Variants in PCDHA8 observed in about 807,000 individuals in gnomAD.
The protein encoded by PCDHA8 is protocadherin alpha 8.
A neutral mutation model predicts 61.8 loss-of-function variants in PCDHA8; 53 were observed. That is an observed-to-expected ratio of 0.86 (90% CI 0.69 to 1.08). PCDHA8 has a LOEUF of 1.08. PCDHA8 is among the 50% of genes least tolerant of loss of function. PCDHA8 has a pLI of 0.00. For synonymous variants in PCDHA8, 618 were observed against 556.6 expected, an observed-to-expected ratio of 1.11 and a Z score of -1.55; for missense variants, 1,293 against 1,245.0, an observed-to-expected ratio of 1.04 and a Z score of -0.58.
At chr5:140,989,863 TTCTC>T (rs2097364159) in intron 3 of PCDHA8, among the ~76,000 whole-genome samples, 1 of 151,988 alleles carries the variant, frequency 6.6e-6, no homozygotes, top group Non-Finnish European at 1.5e-5. Flanking sequence ...AGAGGAATCT[TTCTC>T]TGCCTCAGCA....
intron 1 of PCDHA8, chr5:140,864,038 C>T (rs541763378): frequency 1.2e-4 from 19 of 153,004 alleles, no homozygotes; most frequent in African/African-American, 4.6e-4. Context: ...CCATCTTAAT[C>T]ACTTTTTACT....
chr5:140,842,646 C>T lies in PCDHA8; in HGVS notation c.1325C>T (p.Ser442Phe). 6.3e-7 allele frequency: 1 copy of T among 1,595,360 alleles called. No homozygotes were observed. The highest frequency in any genetic ancestry group is 8.6e-7 in the Non-Finnish European group (1 of 1,165,482). ...SPSLWATASL[S>F]VEVADVNDNA... ...TCGCTGTGGGCCACCGCCAGCTTGT[C>T]TGTGGAGGTGGCCGACGTGAACGAC... Residue 442 changes from serine to phenylalanine, a missense_variant, in exon 1 of 4, where the codon TCT becomes TTT. Transcript: ENST00000531613.
chr5:140,901,177 G>T (rs2068485979), intron 1 of PCDHA8, among the ~76,000 whole-genome samples: 1 of 152,034 alleles, frequency 6.6e-6, no homozygotes, highest in African/African-American at 2.4e-5. Flanking sequence ...TCACTTTGTT[G>T]ATTGTTTGCT....
Position 140,842,885 on chromosome 5 carries a change from C to T in PCDHA8, c.1564C>T (p.Pro522Ser). 2 of 1,594,162 alleles carry T rather than the reference C, an allele frequency of 1.3e-6. 1 individual carries two copies. The highest frequency in any genetic ancestry group is 1.7e-6 in the Non-Finnish European group (2 of 1,165,432). Residue 522 changes from proline (P) to serine (S), a missense_variant, in exon 1 of 4, where the codon CCG becomes TCG. Physicochemically the swap from Pro to Ser is moderately conservative, Grantham distance 74. Coordinates refer to ENST00000531613, the MANE Select transcript of PCDHA8 (RefSeq NM_018911.3). Reference sequence around the variant, plus strand: ...GAGCGGCAAGGTGTACGCGCTGCAGCCGCTGGACCACGAGGAGCTAGAGCT... The same window carrying T: ...GAGCGGCAAGGTGTACGCGCTGCAGTCGCTGGACCACGAGGAGCTAGAGCT... ...TESGKVYALQPLDHEELELLQ... is the reference protein window; with the variant it reads ...TESGKVYALQSLDHEELELLQ...
intron 1 of PCDHA8, chr5:140,875,158 AC>A: frequency 3.0e-6 from 1 of 338,826 alleles, no homozygotes; most frequent in East Asian, 5.5e-5. Flanking sequence ...GTGAAAAATA[AC>A]CCAAAGTCGA....
intron 3 of PCDHA8, among the ~76,000 whole-genome samples, chr5:140,991,807 C>T (rs782693963): frequency 4.6e-5 from 7 of 152,278 alleles, no homozygotes; most frequent in Admixed American, 6.5e-5. Context: ...AGGCCACTTC[C>T]GCATTTTTAG....
At chr5:140,998,939 A>C (rs1299425979) in intron 3 of PCDHA8, among the ~76,000 whole-genome samples, 2 of 152,248 alleles carry the variant, frequency 1.3e-5, no homozygotes, top group Admixed American at 1.3e-4. Flanking sequence ...CAGATGAAGA[A>C]ACTGTAAGTC....
intron 1 of PCDHA8, among the ~76,000 whole-genome samples, chr5:140,894,631 A>G (rs1413513485): frequency 6.6e-6 from 1 of 151,582 alleles, no homozygotes; most frequent in Non-Finnish European, 1.5e-5. Flanking sequence ...TTCTCCAATC[A>G]TATCATTACT....
intron 1 of PCDHA8, among the ~76,000 whole-genome samples, chr5:140,845,321 T>A (rs1395146345): frequency 6.7e-6 from 1 of 149,684 alleles, no homozygotes; most frequent in Non-Finnish European, 1.5e-5. Context: ...AGGTATTACT[T>A]TAATTACTGA....
intron 3 of PCDHA8, among the ~76,000 whole-genome samples, chr5:140,993,462 TCA>T (rs3836747): frequency 0.093 from 13,122 of 140,864 alleles, 629 homozygotes; most frequent in African/African-American, 0.12. Flanking sequence ...TCTTTCTTTC[TCA>T]CACACACACA....
intron 1 of PCDHA8, chr5:140,878,055 C>T: frequency 2.2e-6 from 1 of 449,762 alleles, no homozygotes; most frequent in Non-Finnish European, 3.6e-6. Context: ...GAGCACCACA[C>T]TTAATATTTT....
chr5:140,876,313 A>T, intron 1 of PCDHA8: 1 of 1,614,022 alleles, frequency 6.2e-7, no homozygotes, highest in East Asian at 2.2e-5. Flanking sequence ...TTCCTATGGG[A>T]TCAAAATGAT....
At chr5:140,855,479 C>T (rs782343023) in intron 1 of PCDHA8, among the ~76,000 whole-genome samples, 3 of 149,758 alleles carry the variant, frequency 2.0e-5, no homozygotes, top group Non-Finnish European at 3.0e-5. Context: ...TGATGCTTGA[C>T]ATTAGTGTCT....
At chr5:140,869,347 G>C (rs782437200) in intron 1 of PCDHA8, 1 of 1,614,082 alleles carries the variant, frequency 6.2e-7, no homozygotes, top group Non-Finnish European at 8.5e-7. Context: ...TCTGCAGAAT[G>C]GCATTTTGTT....
intron 1 of PCDHA8, chr5:140,876,072 GGA>G: frequency 1.2e-6 from 2 of 1,613,902 alleles, no homozygotes; most frequent in Non-Finnish European, 8.5e-7. Flanking sequence ...GGAAGTTATT[GGA>G]CAGAGAGCAA....
At chr5:140,873,657 C>CTA in intron 1 of PCDHA8, among the ~76,000 whole-genome samples, 1 of 152,206 alleles carries the variant, frequency 6.6e-6, no homozygotes, top group South Asian at 2.1e-4. Context: ...ACATAACACA[C>CTA]TATTATTATT....
At position 140,977,800 on chromosome 5, in the gene PCDHA8, T is replaced by G. The variant is rs572772764; in HGVS notation, c.2395-1149T>G. On this transcript the variant is annotated intron_variant, in intron 1 of 3. Coordinates refer to ENST00000531613, the MANE Select transcript of PCDHA8 (RefSeq NM_018911.3). Reference sequence around the variant, plus strand: ...AAAGGAACTATATGAATGATAGGAATAAGAATTATTGACAGTTTTGAATGG... The same window carrying G: ...AAAGGAACTATATGAATGATAGGAAGAAGAATTATTGACAGTTTTGAATGG... Among the ~76,000 whole-genome samples, 3 of 152,356 alleles carry G rather than the reference T, an allele frequency of 2.0e-5. No individual in the cohort carries two copies. In the East Asian group the frequency reaches 5.8e-4, roughly 29 times the overall value.
Position 140,842,630 on chromosome 5 carries a change from G to A in PCDHA8, c.1309G>A (p.Ala437Thr). 6.3e-7 allele frequency: 1 copy of A among 1,586,074 alleles called. No individual in the cohort carries two copies. Among genetic ancestry groups the A allele is most frequent in the Non-Finnish European group, 8.6e-7 (1 of 1,160,600 alleles). ...GGACGGGGGCTCGCCTTCGCTGTGGGCCACCGCCAGCTTGTCTGTGGAGGT... is the reference window on the plus strand; with the variant it reads ...GGACGGGGGCTCGCCTTCGCTGTGGACCACCGCCAGCTTGTCTGTGGAGGT... The part of the protein sequence containing the change: ...ARDGGSPSLW[A>T]TASLSVEVAD... Residue 437 changes from alanine (A) to threonine (T), a missense_variant, in exon 1 of 4, where the codon GCC becomes ACC. Physicochemically the swap from Ala to Thr is moderately conservative, Grantham distance 58. Transcript: ENST00000531613.
At chr5:140,966,808 A>G (rs782040625) in intron 1 of PCDHA8, 5 of 1,548,024 alleles carry the variant, frequency 3.2e-6, no homozygotes, top group Non-Finnish European at 4.3e-6. Context: ...CAGAGCATCC[A>G]CGGCTCCGGC....
Sources: gnomAD v4.1 joint callset for allele counts (sites outside exome capture counted in the v4.1 genomes callset) on GRCh38, gnomAD v4.1.1 for gene constraint, MANE v1.5 for transcripts, NCBI Gene and HGNC (gene_info 2026-07-23, HGNC 2026-07-21) for gene names.